Variants in C2orf78 observed in about 807,000 individuals in gnomAD.
C2orf78 encodes chromosome 2 open reading frame 78.
In C2orf78, 12 loss-of-function variants were observed where a neutral mutation model predicts 21.4. That is an observed-to-expected ratio of 0.56 (90% CI 0.36 to 0.91). The LOEUF is 0.91. C2orf78 is among the 40% of genes least tolerant of loss of function. The pLI is 0.01. For missense variants in C2orf78, 1,042 were observed against 1,092.4 expected (o/e 0.95, Z 0.65); for synonymous variants, 396 against 413.9 (o/e 0.96, Z 0.52).
chr2:73,816,499 C>T (rs1225891109), exon 3 of C2orf78: 1 of 1,613,992 alleles, frequency 6.2e-7, no homozygotes, highest in African/African-American at 1.3e-5. Context: ...TCTACTAACT[C>T]AGCTCAATCG....
At chr2:73,814,001 G>A (rs1454126643) in exon 2 of C2orf78, 10 of 1,614,044 alleles carry the variant, frequency 6.2e-6, no homozygotes, top group Non-Finnish European at 8.5e-6. Flanking sequence ...CTGCCAGATA[G>A]GAAGCCAGGT....
At chr2:73,813,876 A>G in exon 2 of C2orf78, 1 of 1,613,984 alleles carries the variant, frequency 6.2e-7, no homozygotes, top group Non-Finnish European at 8.5e-7. Flanking sequence ...GCCCAGTATT[A>G]TAAAACTTCA....
intron 1 of C2orf78, 130 bp from the exon 2 acceptor site, chr2:73,813,347 T>C (rs1673125996): frequency 1.1e-6 from 1 of 940,904 alleles, no homozygotes; most frequent in Admixed American, 3.0e-5. Flanking sequence ...TGTTTGGCTT[T>C]TGGTATCTCA....
intron 1 of C2orf78, among the ~76,000 whole-genome samples, chr2:73,809,672 G>C (rs966804606): frequency 1.3e-5 from 2 of 152,158 alleles, no homozygotes; most frequent in Non-Finnish European, 2.9e-5. Context: ...AGCTACTCAG[G>C]AAGCTGAGGT....
chr2:73,815,275 C>T, exon 3 of C2orf78: 1 of 1,613,886 alleles, frequency 6.2e-7, no homozygotes, highest in Non-Finnish European at 8.5e-7. Context: ...CTGTCTCCAG[C>T]TCCAAGCCAG....
At chr2:73,809,284 A>C (rs1381196234) in intron 1 of C2orf78, among the ~76,000 whole-genome samples, 3 of 152,186 alleles carry the variant, frequency 2.0e-5, no homozygotes, top group Non-Finnish European at 4.4e-5. Context: ...ATATATTCTG[A>C]GATGTTTCAT....
At chr2:73,816,598 C>G in exon 3 of C2orf78, 1 of 1,613,040 alleles carries the variant, frequency 6.2e-7, no homozygotes, top group South Asian at 1.1e-5. Context: ...GCCAAAGCAA[C>G]CCAACCCAGT....
chr2:73,784,748 G>C (rs1367916160), intron 1 of C2orf78, among the ~76,000 whole-genome samples: 1 of 151,412 alleles, frequency 6.6e-6, no homozygotes, highest in Non-Finnish European at 1.5e-5. Flanking sequence ...CAGAAACAGA[G>C]AAAAAACCAA....
At chr2:73,812,139 T>G (rs1162093207) in intron 1 of C2orf78, among the ~76,000 whole-genome samples, 1 of 152,192 alleles carries the variant, frequency 6.6e-6, no homozygotes, top group Non-Finnish European at 1.5e-5. Flanking sequence ...TATATATGCT[T>G]GTTAGAAATT....
exon 2 of C2orf78, chr2:73,813,740 G>C (rs1673134400): frequency 1.2e-6 from 2 of 1,613,934 alleles, no homozygotes; most frequent in African/African-American, 2.7e-5. Context: ...TACTTCAGCT[G>C]CCTCTTATCC....
chr2:73,816,627 C>G (rs1474128955), exon 3 of C2orf78: 1 of 1,613,354 alleles, frequency 6.2e-7, no homozygotes, highest in African/African-American at 1.3e-5. Flanking sequence ...CCCTACCCAG[C>G]CTACTGTCCC....
At chr2:73,810,269 A>G (rs1199883351) in intron 1 of C2orf78, among the ~76,000 whole-genome samples, 4 of 151,928 alleles carry the variant, frequency 2.6e-5, no homozygotes, top group Non-Finnish European at 4.4e-5. Flanking sequence ...GATGGCTCAC[A>G]CCTGTAATCC....
exon 2 of C2orf78, chr2:73,814,129 G>C (rs999273094): frequency 3.1e-5 from 50 of 1,612,302 alleles, no homozygotes; most frequent in Non-Finnish European, 4.2e-5. Context: ...TGATGGTGCT[G>C]AAGGAGGTTC....
chr2:73,810,393 G>C (rs1272907532), intron 1 of C2orf78, among the ~76,000 whole-genome samples: 2 of 151,550 alleles, frequency 1.3e-5, no homozygotes, highest in Admixed American at 1.3e-4. Context: ...CGGGCATGGT[G>C]GCACATGCCT....
In C2orf78 at chr2:73,813,425, T is replaced by A. The variant is rs1008109792; in HGVS notation, c.98-52T>A. 4.1e-6 allele frequency: 6 copies of A among 1,480,008 alleles called. No individual in the cohort carries two copies. The African/African-American group carries it at 8.4e-5, about 21-fold the overall frequency. 91.7% of individuals were successfully genotyped at this position (1,480,008 alleles called of 1,614,324 possible). On this transcript the variant is annotated intron_variant, in intron 1 of 2. Transcript: ENST00000409561. ...AGATAATGCTAGTCTTCCAATAAGG[T>A]GAGAATTTTTCACTCTCATCGGTTT...
At position 73,813,627 on chromosome 2, in the gene C2orf78, C is replaced by G. The variant is rs1259232930; in HGVS notation, c.248C>G (p.Ser83Ter). 1 of 1,614,064 alleles carries G rather than the reference C, an allele frequency of 6.2e-7. No individual in the cohort carries two copies. Among genetic ancestry groups the G allele is most frequent in the Non-Finnish European group, 8.5e-7 (1 of 1,179,912 alleles). Residue 83 changes from serine (S) to a stop codon, truncating the protein, a stop_gained, in exon 2 of 3, where the codon TCA becomes TGA. Transcript: ENST00000409561. LOFTEE classifies it high-confidence loss of function. ...ATCAGCTCAGCATGGCTACAGCCAT[C>G]AGCCTCTGGCACCTCCTTCCAGCCA...
At chr2:73,810,223 T>C (rs1442310245) in intron 1 of C2orf78, among the ~76,000 whole-genome samples, 1 of 152,066 alleles carries the variant, frequency 6.6e-6, no homozygotes, top group Non-Finnish European at 1.5e-5. Context: ...GTTTTTAATA[T>C]AAACATTTTA....
chr2:73,786,220 A>C (rs1391476547), intron 1 of C2orf78, among the ~76,000 whole-genome samples: 2 of 151,738 alleles, frequency 1.3e-5, no homozygotes, highest in Non-Finnish European at 2.9e-5. Flanking sequence ...TTTCTCCTGA[A>C]AATATAAGAA....
Position 73,807,592 on chromosome 2 carries a change from G to A in C2orf78, c.98-5885G>A, listed in dbSNP as rs955293688. ...GTGACCAAAGGCTAGAAGAGGGAAG[G>A]TCTGCAGTCAGCCTTGTCTTCTACC... On this transcript the variant is annotated intron_variant, in intron 1 of 2. Coordinates refer to ENST00000409561, the Ensembl canonical transcript of C2orf78. Among the ~76,000 whole-genome samples, 3 of 41,386 alleles carry A rather than the reference G, an allele frequency of 7.2e-5. No individual in the cohort carries two copies. The Admixed American group carries it at 8.4e-4, about 12-fold the overall frequency. 27.2% of individuals were successfully genotyped at this position (41,386 alleles called of 152,430 possible).
Sources: gnomAD v4.1 joint callset for allele counts (sites outside exome capture counted in the v4.1 genomes callset) on GRCh38, gnomAD v4.1.1 for gene constraint, MANE v1.5 for transcripts, NCBI Gene and HGNC (gene_info 2026-07-23, HGNC 2026-07-21) for gene names.